The following KAZN variants were observed in gnomAD, a reference collection of about 807,000 sequenced individuals.
The protein encoded by KAZN is kazrin.
Under a neutral mutation model 87.4 loss-of-function variants are expected in KAZN, and 40 were observed. The observed-to-expected ratio is 0.46, with a 90% CI of 0.36 to 0.60. The LOEUF is 0.60. Among genes scored for constraint, KAZN ranks in the 20% least tolerant of loss-of-function variants. KAZN has a pLI of 0.00. For missense variants in KAZN, 898 were observed against 1,073.9 expected (o/e 0.84, Z 2.29); for synonymous variants, 466 against 458.3 (o/e 1.02, Z -0.22).
chr1:15,003,494 A>G (rs559719879), intron 2 of KAZN, among the ~76,000 whole-genome samples: 17 of 152,290 alleles, frequency 1.1e-4, no homozygotes, highest in Non-Finnish European at 2.1e-4. Flanking sequence ...CATACCAGTG[A>G]TATCTCAGTA....
At chr1:14,295,385 C>A (rs1289717934) in intron 2 of KAZN, among the ~76,000 whole-genome samples, 1 of 152,170 alleles carries the variant, frequency 6.6e-6, no homozygotes, top group African/African-American at 2.4e-5. Flanking sequence ...TGGACCCTCC[C>A]AGCTTCTCCC....
At position 14,746,286 on chromosome 1, in the gene KAZN, T is replaced by C. The variant is rs1644258053; in HGVS notation, c.226+147063T>C. Reference sequence around the variant, plus strand: ...TCCTCAAAAATGCAGGTGGAGTTTCTGGAGTGGCGAAGACCACAGAGCCAT... The same window carrying C: ...TCCTCAAAAATGCAGGTGGAGTTTCCGGAGTGGCGAAGACCACAGAGCCAT... On this transcript the variant is annotated intron_variant, in intron 1 of 14. Coordinates refer to ENST00000376030, the MANE Select transcript of KAZN (RefSeq NM_201628.3). Among the ~76,000 whole-genome samples the C allele has an allele frequency of 2.0e-5, 3 of 152,228 alleles. No individual in the cohort carries two copies. In the South Asian group the frequency reaches 6.2e-4, roughly 32 times the overall value.
chr1:14,641,775 G>A (rs764780348), intron 1 of KAZN, among the ~76,000 whole-genome samples: 3 of 152,152 alleles, frequency 2.0e-5, no homozygotes, highest in East Asian at 1.9e-4. Context: ...ACTTGGACAC[G>A]ACACCAAAAG....
intron 1 of KAZN, among the ~76,000 whole-genome samples, chr1:14,668,854 T>G (rs1257506107): frequency 6.6e-6 from 1 of 152,232 alleles, no homozygotes; most frequent in East Asian, 1.9e-4. Context: ...CTCACGCAGC[T>G]TGACATCAAT....
At chr1:15,106,419 TC>T (rs1156303427) in intron 13 of KAZN, among the ~76,000 whole-genome samples, 1 of 152,216 alleles carries the variant, frequency 6.6e-6, no homozygotes, top group East Asian at 1.9e-4. Flanking sequence ...CAAACTTTTT[TC>T]TGAGCCCTGG....
At chr1:14,426,293 C>G (rs1665721914) in intron 2 of KAZN, among the ~76,000 whole-genome samples, 1 of 152,236 alleles carries the variant, frequency 6.6e-6, no homozygotes, top group African/African-American at 2.4e-5. Context: ...GCCCTGACCA[C>G]TCACCCCACA....
chr1:14,813,945 T>C (rs550903566), intron 1 of KAZN, among the ~76,000 whole-genome samples: 2 of 152,318 alleles, frequency 1.3e-5, no homozygotes, highest in East Asian at 3.9e-4. Flanking sequence ...TGCTAAGTAC[T>C]AATTGTTCTG....
rs1380188448 is a variant in KAZN, at chr1:15,004,438, A to T, written c.419-30311A>T. Among the ~76,000 whole-genome samples, 3 of 152,330 alleles carry T rather than the reference A, an allele frequency of 2.0e-5. 1 individual carries two copies. The East Asian group carries it at 5.8e-4, about 29-fold the overall frequency. ...TGTGGGCATGGCTCTCAGCTTTGCT[A>T]CTTTCTAGCTGTTACCATCTTGGAC... On this transcript the variant is annotated intron_variant, in intron 2 of 14. Coordinates refer to ENST00000376030, the MANE Select transcript of KAZN (RefSeq NM_201628.3).
intron 1 of KAZN, among the ~76,000 whole-genome samples, chr1:14,850,239 A>T (rs1649284690): frequency 6.6e-6 from 1 of 152,142 alleles, no homozygotes; most frequent in Non-Finnish European, 1.5e-5. Flanking sequence ...CAGCCTATTT[A>T]TGCTTTTTCT....
chr1:14,561,675 A>T (rs1674261377), intron 2 of KAZN, among the ~76,000 whole-genome samples: 1 of 152,098 alleles, frequency 6.6e-6, no homozygotes, highest in African/African-American at 2.4e-5. Context: ...AGGCCAAGGC[A>T]GGTGGATCAC....
intron 1 of KAZN, among the ~76,000 whole-genome samples, chr1:14,018,089 A>G (rs567972461): frequency 2.0e-4 from 31 of 152,156 alleles, no homozygotes; most frequent in Non-Finnish European, 2.5e-4. Flanking sequence ...GCACAGAGAG[A>G]CTAAGTTCGC....
rs551387735 is a variant in KAZN at position 14,886,557 on chromosome 1, T to G, written c.227-74127T>G. 1.6e-3 allele frequency among the ~76,000 whole-genome samples: 241 copies of G among 152,192 alleles called. 1 individual carries two copies. Among genetic ancestry groups the G allele is most frequent in the African/African-American group, 5.7e-3 (235 of 41,520 alleles). On this transcript the variant is annotated intron_variant, in intron 1 of 14. Coordinates refer to ENST00000376030, the MANE Select transcript of KAZN (RefSeq NM_201628.3). ...CTGTAATCCCAGCACTTTGGGAAGC[T>G]GAGGCAGGCGGATCACCTGAGGTCA...
At chr1:14,817,990 T>G (rs1646624293) in intron 1 of KAZN, among the ~76,000 whole-genome samples, 1 of 152,212 alleles carries the variant, frequency 6.6e-6, no homozygotes, top group Non-Finnish European at 1.5e-5. Context: ...CACAGCTGTT[T>G]CATTTAAAAT....
intron 1 of KAZN, among the ~76,000 whole-genome samples, chr1:13,988,702 G>T (rs1017173738): frequency 1.3e-5 from 2 of 152,178 alleles, no homozygotes; most frequent in African/African-American, 4.8e-5. Flanking sequence ...GGCTTGGTGA[G>T]CATGTAACAA....
intron 2 of KAZN, among the ~76,000 whole-genome samples, chr1:14,987,707 G>A (rs1666963883): frequency 6.6e-6 from 1 of 152,172 alleles, no homozygotes; most frequent in South Asian, 2.1e-4. Flanking sequence ...ACTTTCATGC[G>A]GGGCTCTGCG....
intron 1 of KAZN, among the ~76,000 whole-genome samples, chr1:14,959,278 G>C (rs749915064): frequency 1.3e-5 from 2 of 152,228 alleles, no homozygotes; most frequent in Non-Finnish European, 2.9e-5. Context: ...AGGTGATGTG[G>C]AGTAGACGCT....
chr1:14,072,092 ATGCCTC>A (rs1421263215), intron 1 of KAZN, among the ~76,000 whole-genome samples: 1 of 152,176 alleles, frequency 6.6e-6, no homozygotes, highest in Non-Finnish European at 1.5e-5. Flanking sequence ...TGATCTCTTC[ATGCCTC>A]TGTATCCTCA....
chr1:14,961,283 C>A (rs1002780417), intron 2 of KAZN, among the ~76,000 whole-genome samples: 2 of 152,196 alleles, frequency 1.3e-5, no homozygotes, highest in Non-Finnish European at 2.9e-5. Flanking sequence ...GTGTCCCATG[C>A]GTCCCTCTTG....
intron 1 of KAZN, among the ~76,000 whole-genome samples, chr1:14,751,958 C>G (rs529440642): frequency 1.3e-5 from 2 of 152,300 alleles, no homozygotes. Context: ...TTATTTGGCT[C>G]ACCCTTCTGC....
Sources: allele counts gnomAD v4.1 joint callset (sites outside exome capture counted in the v4.1 genomes callset), GRCh38; gene constraint gnomAD v4.1.1; transcripts MANE v1.5; gene names NCBI Gene and HGNC (gene_info 2026-07-23, HGNC 2026-07-21).